Variants in SUSD5 observed in about 807,000 individuals in gnomAD.
SUSD5 encodes the protein sushi domain containing 5.
In SUSD5, 33 loss-of-function variants were observed where a neutral mutation model predicts 29.5. The observed-to-expected ratio is 1.12, with a 90% CI of 0.85 to 1.49. The LOEUF (loss-of-function observed/expected upper bound fraction) is 1.49. SUSD5 is among the 40% of genes most tolerant of loss of function. The pLI, the probability that SUSD5 is intolerant of heterozygous loss-of-function variation, is 0.00. For missense variants in SUSD5, 776 were observed against 800.6 expected, an observed-to-expected ratio of 0.97 and a Z score of 0.37; for synonymous variants, 308 against 325.3, an observed-to-expected ratio of 0.95 and a Z score of 0.57.
intron 3 of SUSD5, among the ~76,000 whole-genome samples, chr3:33,195,294 C>T (rs893871514): frequency 2.6e-5 from 4 of 152,136 alleles, no homozygotes; most frequent in Admixed American, 6.5e-5. Context: ...TTTTGAAATG[C>T]GAACTCTTTT....
chr3:33,194,442 G>T (rs1211059403), intron 3 of SUSD5, among the ~76,000 whole-genome samples: 6 of 152,174 alleles, frequency 3.9e-5, no homozygotes. Context: ...TGAGGGCAGA[G>T]GTCAGAGCCC....
chr3:33,207,481 G>A lies in SUSD5; in HGVS notation c.409+327C>T, dbSNP rs371918284. ...CCTTCACACATGACTGACAGGTGTG[G>A]TATAACTACTCCAGCTCCCTCACCC... On this transcript the variant is annotated intron_variant, in intron 3 of 4. Transcript: ENST00000309558. Among the ~76,000 whole-genome samples, 30 of 152,244 alleles carry A rather than the reference G, an allele frequency of 2.0e-4. No individual in the cohort carries two copies. In the East Asian group the frequency reaches 2.5e-3, roughly 13 times the overall value.
chr3:33,173,039 A>T (rs2031469799), intron 4 of SUSD5, among the ~76,000 whole-genome samples: 1 of 152,236 alleles, frequency 6.6e-6, no homozygotes, highest in South Asian at 2.1e-4. Flanking sequence ...TTTCATGTAA[A>T]AATTCTATAA....
intron 4 of SUSD5, among the ~76,000 whole-genome samples, chr3:33,172,129 T>C (rs545617487): frequency 2.0e-5 from 3 of 151,782 alleles, no homozygotes; most frequent in Admixed American, 6.6e-5. Context: ...CTCCCCCAAG[T>C]TGACTTTTCT....
At chr3:33,209,316 G>T (rs1383125912) in intron 2 of SUSD5, among the ~76,000 whole-genome samples, 1 of 152,096 alleles carries the variant, frequency 6.6e-6, no homozygotes, top group Non-Finnish European at 1.5e-5. Context: ...TTGAATCTGT[G>T]TCTGGATGTT....
chr3:33,205,882 A>C (rs1381350632), intron 3 of SUSD5, among the ~76,000 whole-genome samples: 1 of 152,232 alleles, frequency 6.6e-6, no homozygotes, highest in Non-Finnish European at 1.5e-5. Flanking sequence ...TTGCTGTTTT[A>C]AGCCACTACA....
At chr3:33,171,640 C>T (rs1397574990) in intron 4 of SUSD5, among the ~76,000 whole-genome samples, 6 of 152,160 alleles carry the variant, frequency 3.9e-5, no homozygotes, top group African/African-American at 1.4e-4. Context: ...GTTGTCAGTC[C>T]TTGGCCTTCT....
chr3:33,179,463 G>T (rs1435950152), intron 3 of SUSD5, among the ~76,000 whole-genome samples: 3 of 152,096 alleles, frequency 2.0e-5, no homozygotes, highest in Non-Finnish European at 4.4e-5. Flanking sequence ...ACCCAGCAAG[G>T]TTTGTTTGTT....
At chr3:33,164,884 C>T (rs2031272308) in intron 4 of SUSD5, among the ~76,000 whole-genome samples, 1 of 151,920 alleles carries the variant, frequency 6.6e-6, no homozygotes, top group African/African-American at 2.4e-5. Flanking sequence ...GTAAGGCTCC[C>T]AGAACTCTTA....
rs543317902 is a variant in SUSD5, at chr3:33,204,432, T to C, written c.409+3376A>G. On this transcript the variant is annotated intron_variant, in intron 3 of 4. Coordinates refer to ENST00000309558, the MANE Select transcript of SUSD5 (RefSeq NM_015551.2). This position sits in a 1 kb window ranked among gnomAD's most constrained non-coding sequence, Gnocchi z 4.5. The stretch of plus-strand genomic sequence containing the variant: ...GCCTCCCAAGTTAACACCATTCTCC[T>C]GCCTCAGCCTCCCGAGCAGCTGGGA... 5.3e-5 allele frequency among the ~76,000 whole-genome samples: 8 copies of C among 152,068 alleles called. No individual in the cohort carries two copies. The highest frequency in any genetic ancestry group is 3.9e-4 in the East Asian group (2 of 5,148).
intron 4 of SUSD5, among the ~76,000 whole-genome samples, chr3:33,166,477 C>A (rs749990096): frequency 2.0e-4 from 31 of 152,092 alleles, no homozygotes; most frequent in Non-Finnish European, 3.5e-4. Context: ...GTGTTACTCA[C>A]CAGAATGCTG....
chr3:33,179,672 C>T (rs904698295), intron 3 of SUSD5, among the ~76,000 whole-genome samples: 3 of 152,264 alleles, frequency 2.0e-5, no homozygotes, highest in South Asian at 4.1e-4. Context: ...GTTTCATTTT[C>T]AATATTAGTA....
intron 2 of SUSD5, among the ~76,000 whole-genome samples, chr3:33,208,219 T>TC (rs1491255807): frequency 1.3e-5 from 2 of 152,248 alleles, no homozygotes; most frequent in Non-Finnish European, 2.9e-5. Context: ...ATTTTCTTTT[T>TC]CTCTTATTTT....
chr3:33,188,996 C>A (rs991388118), intron 3 of SUSD5, among the ~76,000 whole-genome samples: 1 of 152,104 alleles, frequency 6.6e-6, no homozygotes, highest in South Asian at 2.1e-4. Context: ...ATACTTCATG[C>A]CTTAAGATAG....
rs549261895 is a variant in SUSD5, at chr3:33,204,788, C to T, written c.409+3020G>A. ...TCAGCCTCCTGAGTGGCTAGGATTA[C>T]AGGCATGCACCACTACATCTGGCTA... On this transcript the variant is annotated intron_variant, in intron 3 of 4. Transcript: ENST00000309558. This position sits in a 1 kb window ranked among gnomAD's most constrained non-coding sequence, Gnocchi z 4.5. Among the ~76,000 whole-genome samples, 1 of 152,240 alleles carries T rather than the reference C, an allele frequency of 6.6e-6. No individual in the cohort carries two copies. Among genetic ancestry groups the T allele is most frequent in the Admixed American group, 6.5e-5 (1 of 15,294 alleles).
intron 3 of SUSD5, among the ~76,000 whole-genome samples, chr3:33,177,794 T>A (rs1415962538): frequency 6.6e-6 from 1 of 152,210 alleles, no homozygotes; most frequent in Non-Finnish European, 1.5e-5. Flanking sequence ...TTTAAAAAAA[T>A]TATACTTTAA....
chr3:33,187,796 T>C (rs570857840), intron 3 of SUSD5, among the ~76,000 whole-genome samples: 38 of 148,570 alleles, frequency 2.6e-4, no homozygotes, highest in Admixed American at 6.0e-4. Flanking sequence ...AATGCTATCC[T>C]TCCCCCCTCC....
Position 33,153,231 on chromosome 3 carries a change from C to T in SUSD5, c.1401G>A (p.Lys467=), listed in dbSNP as rs2030956923. Residue 467 remains lysine (K), a synonymous_variant, in exon 5 of 5, where the codon AAG becomes AAA. Coordinates refer to ENST00000309558, the MANE Select transcript of SUSD5 (RefSeq NM_015551.2). ...TEGIGDGDLT[K]YQSTLPWRFI... is the part of the protein sequence containing the mutation. ...ATCTCCAGGGTAGAGTTGACTGGTA[C>T]TTCGTCAAGTCACCATCCCCAATGC... The T allele has an allele frequency of 6.2e-7, 1 of 1,613,868 alleles. No homozygotes were observed. The highest frequency in any genetic ancestry group is 8.5e-7 in the Non-Finnish European group (1 of 1,179,878).
In SUSD5 at chr3:33,152,397, G is replaced by A. The variant is rs931600462; in HGVS notation, c.*345C>T. 2 of 212,336 alleles carry A rather than the reference G, an allele frequency of 9.4e-6. No individual in the cohort carries two copies. Among genetic ancestry groups the A allele is most frequent in the East Asian group, 1.1e-4 (1 of 8,894 alleles). The allele number at this position is 212,336 out of a possible 1,614,324, so 13.2% of individuals were successfully genotyped here. A position where few individuals can be genotyped will look rare whatever the true frequency, so the allele number is the denominator to read the frequency against. ...ATCGGGACACTGCACTCCAGCCTGGGCAACAGCATGAGACTCTGTCTCAAA... is the reference window on the plus strand; with the variant it reads ...ATCGGGACACTGCACTCCAGCCTGGACAACAGCATGAGACTCTGTCTCAAA... On this transcript the variant is annotated 3_prime_UTR_variant, in exon 5 of 5. Transcript: ENST00000309558.
Sources: allele counts gnomAD v4.1 joint callset (sites outside exome capture counted in the v4.1 genomes callset), GRCh38; gene constraint gnomAD v4.1.1; non-coding constraint Gnocchi (gnomAD v3.1); transcripts MANE v1.5; gene names NCBI Gene and HGNC (gene_info 2026-07-23, HGNC 2026-07-21).